KDM5B: variants seen among roughly 807,000 people sequenced by gnomAD.
KDM5B encodes lysine-specific demethylase 5B.
A neutral mutation model predicts 193.4 loss-of-function variants in KDM5B; 144 were observed. The observed-to-expected ratio is 0.74, with a 90% CI of 0.65 to 0.86. KDM5B has a LOEUF of 0.86. Among genes scored for constraint, KDM5B ranks in the 40% least tolerant of loss-of-function variants. KDM5B has a pLI of 0.00. For missense variants in KDM5B, 1,833 were observed against 1,886.9 expected (o/e 0.97, Z 0.53); for synonymous variants, 668 against 682.6 (o/e 0.98, Z 0.33).
Position 202,781,220 on chromosome 1 carries a change from G to A in KDM5B, c.205-4126C>T, listed in dbSNP as rs1657185552. On this transcript the variant is annotated intron_variant, in intron 1 of 26. Coordinates refer to ENST00000367265, the MANE Select transcript of KDM5B (RefSeq NM_006618.5). ...AGGCTAAGGCAGGAGGATGACTTAA[G>A]CCCAGGGGGCTTAAGTTTACAGTGA... 2.6e-5 allele frequency among the ~76,000 whole-genome samples: 4 copies of A among 152,278 alleles called. No homozygotes were observed. In the South Asian group the frequency reaches 8.3e-4, roughly 32 times the overall value.
In KDM5B at chr1:202,772,987, G is replaced by A. The variant is rs543188796; in HGVS notation, c.576+131C>T. 49 of 641,524 alleles carry A rather than the reference G, an allele frequency of 7.6e-5. 1 individual carries two copies. In the East Asian group the frequency reaches 8.7e-4, roughly 11 times the overall value. 39.7% of individuals were successfully genotyped at this position (641,524 alleles called of 1,614,324 possible). A position where few individuals can be genotyped will look rare whatever the true frequency, so the allele number is the denominator to read the frequency against. On this transcript the variant is annotated intron_variant, in intron 4 of 26. Transcript: ENST00000367265. ...GTTGGGATTACAGGAGTGAGCCACC[G>A]CGCCCCACCAAAATAAGGTCTTCTA... is the stretch of plus-strand genomic sequence containing the variant.
chr1:202,789,331 A>G (rs1033205195), intron 1 of KDM5B, among the ~76,000 whole-genome samples: 34 of 151,584 alleles, frequency 2.2e-4, no homozygotes, highest in African/African-American at 8.0e-4. Flanking sequence ...GACCAGCCTG[A>G]CCAACATGGT....
At chr1:202,772,845 C>A (rs922136320) in intron 4 of KDM5B, among the ~76,000 whole-genome samples, 1 of 149,954 alleles carries the variant, frequency 6.7e-6, no homozygotes, top group Admixed American at 6.7e-5. Flanking sequence ...TACAGGCACA[C>A]GCCACCATGC....
At chr1:202,753,135 T>C (rs1292987553) in intron 11 of KDM5B, 68 bp from the exon 12 acceptor site, 1 of 1,368,964 alleles carries the variant, frequency 7.3e-7, no homozygotes, top group Non-Finnish European at 1.0e-6. Flanking sequence ...TACCAGTTCA[T>C]ATTTTTCAGA....
intron 9 of KDM5B, among the ~76,000 whole-genome samples, chr1:202,757,858 C>T (rs186134342): frequency 5.3e-5 from 8 of 152,238 alleles, no homozygotes; most frequent in African/African-American, 1.7e-4. Flanking sequence ...TGACAAAAAT[C>T]ATAGCTTAAA....
At chr1:202,770,399 A>C (rs1227878716) in intron 4 of KDM5B, among the ~76,000 whole-genome samples, 1 of 151,754 alleles carries the variant, frequency 6.6e-6, no homozygotes, top group Non-Finnish European at 1.5e-5. Flanking sequence ...ACCCTACTTC[A>C]CCCTTTTGCA....
intron 10 of KDM5B, among the ~76,000 whole-genome samples, chr1:202,756,047 T>C (rs1376536853): frequency 1.3e-5 from 2 of 151,640 alleles, no homozygotes; most frequent in African/African-American, 2.4e-5. Flanking sequence ...TTCGCTAGTA[T>C]GGAAAAAAAT....
intron 1 of KDM5B, among the ~76,000 whole-genome samples, chr1:202,802,366 ACT>A (rs528051085): frequency 3.5e-4 from 53 of 151,950 alleles, no homozygotes; most frequent in Admixed American, 1.6e-3. Context: ...AATAGTTTAC[ACT>A]GTTTTTTTGT....
chr1:202,749,476 G>C (rs1206919123), intron 13 of KDM5B, among the ~76,000 whole-genome samples: 1 of 152,130 alleles, frequency 6.6e-6, no homozygotes, highest in East Asian at 1.9e-4. Flanking sequence ...AGGATTGCTT[G>C]AGCCTGGGAG....
At chr1:202,753,291 T>TTCAA (rs1655871200) in intron 11 of KDM5B, among the ~76,000 whole-genome samples, 1 of 150,944 alleles carries the variant, frequency 6.6e-6, no homozygotes. Context: ...AGGTCAGGAG[T>TTCAA]TCAAGACCAG....
In KDM5B at chr1:202,748,952, C is replaced by T. The variant is rs1336954577; in HGVS notation, c.2009G>A (p.Arg670His). 20 of 1,609,098 alleles carry T rather than the reference C, an allele frequency of 1.2e-5. No homozygotes were observed. Among genetic ancestry groups the T allele is most frequent in the East Asian group, 2.2e-5 (1 of 44,826 alleles). The change falls in exon 14 of 27, where the codon CGT becomes CAT. Residue 670 changes from arginine (R) to histidine (H), a missense_variant. Transcript: ENST00000367265. ...GATTTCCATAAGCCTTACCAATTTA[C>T]GGACAGTTTCTCTTAAAGCTTTCTC... ...EDEKALRETV[R>H]KLGVIDSERM...
intron 1 of KDM5B, among the ~76,000 whole-genome samples, chr1:202,793,374 T>C (rs901988257): frequency 2.0e-5 from 3 of 152,220 alleles, no homozygotes; most frequent in African/African-American, 7.2e-5. Flanking sequence ...TATGGTTATA[T>C]AAAAGGCAAT....
chr1:202,749,691 C>T (rs1417930819), intron 13 of KDM5B, among the ~76,000 whole-genome samples: 2 of 150,832 alleles, frequency 1.3e-5, no homozygotes, highest in South Asian at 2.1e-4. Flanking sequence ...AAAGACCCAG[C>T]ATATTAACAA....
At chr1:202,807,265 A>T (rs945923814) in intron 1 of KDM5B, 4 of 151,994 alleles carry the variant, frequency 2.6e-5, no homozygotes, top group Non-Finnish European at 5.9e-5. Flanking sequence ...CTCCCCGGGG[A>T]GCCGAGCGGC....
chr1:202,783,300 A>G (rs1657272698), intron 1 of KDM5B, among the ~76,000 whole-genome samples: 1 of 151,642 alleles, frequency 6.6e-6, no homozygotes, highest in South Asian at 2.1e-4. Context: ...AAGAGAAGAG[A>G]CCAGCCCAGA....
chr1:202,790,509 C>G (rs983359973), intron 1 of KDM5B, among the ~76,000 whole-genome samples: 2 of 152,016 alleles, frequency 1.3e-5, no homozygotes, highest in Non-Finnish European at 2.9e-5. Flanking sequence ...CACTTGAGGT[C>G]TGGAGTTCGA....
chr1:202,733,555 A>T lies in KDM5B; in HGVS notation c.3755T>A (p.Leu1252His). ...CACGGTTCTTTCAATCATATATCGA[A>T]GTGCATCTCCCTCAGGAAGGCGAAC... ...IRVRLPEGDA[L>H]RYMIERTVNW... Residue 1252 changes from leucine (L) to histidine (H), a missense_variant, in exon 23 of 27, where the codon CTT (leucine) becomes CAT (histidine). By Grantham distance (99) the Leu-to-His change is moderately conservative. Transcript: ENST00000367265. 6.2e-7 allele frequency: 1 copy of T among 1,614,198 alleles called. No individual in the cohort carries two copies. Among genetic ancestry groups the T allele is most frequent in the Non-Finnish European group, 8.5e-7 (1 of 1,180,024 alleles).
In KDM5B at chr1:202,777,016, C is replaced by A. The variant is rs1433660073; in HGVS notation, c.282+1G>T. 6.3e-7 allele frequency: 1 copy of A among 1,597,964 alleles called. No homozygotes were observed. Reference sequence around the variant, plus strand: ...AAACAGAACAATAGTGAAGACATTACCTCCAATTCATTCAGTCTCTGGATA... The same window carrying A: ...AAACAGAACAATAGTGAAGACATTAACTCCAATTCATTCAGTCTCTGGATA... On this transcript the variant is annotated splice_donor_variant, in intron 2 of 26. Transcript: ENST00000367265. LOFTEE classifies it high-confidence loss of function.
intron 4 of KDM5B, among the ~76,000 whole-genome samples, chr1:202,771,225 A>G (rs1656700805): frequency 6.6e-6 from 1 of 151,952 alleles, no homozygotes; most frequent in Non-Finnish European, 1.5e-5. Flanking sequence ...ATGTTTGTTT[A>G]TTTATTTATT....
Sources: allele counts gnomAD v4.1 joint callset (sites outside exome capture counted in the v4.1 genomes callset), GRCh38; gene constraint gnomAD v4.1.1; transcripts MANE v1.5; gene names NCBI Gene and HGNC (gene_info 2026-07-23, HGNC 2026-07-21).